TMEM123: variants seen among roughly 807,000 people sequenced by gnomAD.
TMEM123 encodes transmembrane protein 123, also known as porimin.
Under a neutral mutation model 19.7 loss-of-function variants are expected in TMEM123, and 16 were observed. That is an observed-to-expected ratio of 0.81 (90% confidence interval 0.55 to 1.23). The LOEUF (loss-of-function observed/expected upper bound fraction) is 1.23, where lower values mean the gene tolerates loss of function less well. Ranked by LOEUF, TMEM123 falls within the 50% of genes most tolerant of loss-of-function variation. The pLI is 0.00. For missense variants in TMEM123, 313 were observed against 257.8 expected, an observed-to-expected ratio of 1.21 and a Z score of -1.47; for synonymous variants, 118 against 99.4, an observed-to-expected ratio of 1.19 and a Z score of -1.12.
Position 102,401,753 on chromosome 11 carries a change from T to A in TMEM123, c.449-61A>T, listed in dbSNP as rs185489956. The A allele has an allele frequency of 2.6e-6, 4 of 1,516,358 alleles. No homozygotes were observed. In the Admixed American group the frequency reaches 9.2e-5, roughly 35 times the overall value. The allele number at this position is 1,516,358 out of a possible 1,614,324, so 93.9% of individuals were successfully genotyped here. A position where few individuals can be genotyped will look rare whatever the true frequency, so the allele number is the denominator to read the frequency against. ...TATTTTTTTTTTTTTAACATTGTAATTAAAGCTCTCTGATTTTCTGTGTTA... is the reference window on the plus strand; with the variant it reads ...TATTTTTTTTTTTTTAACATTGTAAATAAAGCTCTCTGATTTTCTGTGTTA... On this transcript the variant is annotated intron_variant, in intron 3 of 4. Transcript: ENST00000398136.
intron 2 of TMEM123, among the ~76,000 whole-genome samples, chr11:102,408,790 G>C (rs1193880554): frequency 6.6e-6 from 1 of 152,098 alleles, no homozygotes; most frequent in East Asian, 1.9e-4. Context: ...ACACTACTGG[G>C]ATATTTTTGA....
chr11:102,410,141 A>G (rs1951991882), intron 2 of TMEM123, among the ~76,000 whole-genome samples: 1 of 152,238 alleles, frequency 6.6e-6, no homozygotes, highest in Non-Finnish European at 1.5e-5. Context: ...TCATTCCACT[A>G]ATATCTATGA....
chr11:102,413,981 G>C (rs1952025109), intron 2 of TMEM123, among the ~76,000 whole-genome samples: 1 of 152,144 alleles, frequency 6.6e-6, no homozygotes, highest in African/African-American at 2.4e-5. Context: ...AATGACACAA[G>C]GGCTGAAACA....
intron 2 of TMEM123, among the ~76,000 whole-genome samples, chr11:102,435,263 C>T (rs1857751272): frequency 1.3e-5 from 2 of 151,878 alleles, no homozygotes; most frequent in African/African-American, 4.8e-5. Context: ...AACAAAAAGA[C>T]AACCCAATTT....
intron 2 of TMEM123, among the ~76,000 whole-genome samples, chr11:102,432,727 C>T (rs1384750415): frequency 1.3e-5 from 2 of 152,246 alleles, no homozygotes. Flanking sequence ...CCTCCCATCA[C>T]AGGCCTGGAG....
intron 2 of TMEM123, among the ~76,000 whole-genome samples, chr11:102,423,021 A>G (rs770126740): frequency 6.6e-6 from 1 of 152,198 alleles, no homozygotes; most frequent in African/African-American, 2.4e-5. Context: ...CTGACTCGAC[A>G]ATCCCACTTC....
intron 1 of TMEM123, chr11:102,449,130 G>A (rs1351650626): frequency 1.2e-5 from 4 of 335,922 alleles, no homozygotes; most frequent in African/African-American, 2.1e-5. Flanking sequence ...ACCAGCCACC[G>A]AATGCAACAG....
intron 2 of TMEM123, among the ~76,000 whole-genome samples, chr11:102,447,736 A>T (rs1410020041): frequency 6.6e-6 from 1 of 152,148 alleles, no homozygotes; most frequent in Non-Finnish European, 1.5e-5. Flanking sequence ...TTTTCCTCTC[A>T]ATGAAAACGT....
chr11:102,440,760 TAA>T (rs1200763210), intron 2 of TMEM123, among the ~76,000 whole-genome samples: 3 of 152,120 alleles, frequency 2.0e-5, no homozygotes, highest in South Asian at 2.1e-4. Context: ...GCAAATTGGA[TAA>T]AGAGTCAAGA....
Position 102,398,744 on chromosome 11 carries a change from A to G in TMEM123, c.*123T>C, listed in dbSNP as rs956169522. 3.1e-6 allele frequency: 3 copies of G among 967,026 alleles called. No individual in the cohort carries two copies. In the African/African-American group the frequency reaches 5.0e-5, roughly 16 times the overall value. 59.9% of individuals were successfully genotyped at this position (967,026 alleles called of 1,614,324 possible). A position where few individuals can be genotyped will look rare whatever the true frequency, so the allele number is the denominator to read the frequency against. ...TACATATTTACGTAATACACTGTACATTATATGCATGGCCTGTTTATACTA... is the reference window on the plus strand; with the variant it reads ...TACATATTTACGTAATACACTGTACGTTATATGCATGGCCTGTTTATACTA... On this transcript the variant is annotated 3_prime_UTR_variant, in exon 5 of 5. Transcript: ENST00000398136.
chr11:102,452,583 A>G lies in TMEM123; in HGVS notation c.41T>C (p.Leu14Pro). Residue 14 changes from leucine (L) to proline (P), a missense_variant, in exon 1 of 5, where the codon CTG (leucine) becomes CCG (proline). Physicochemically the swap from Leu to Pro is moderately conservative, Grantham distance 98. Transcript: ENST00000398136. ...CAGCGCTAGCACCTGCAGCGTCCCC[A>G]GGAGCAGCGCGGCCCAAGCACCTCG... Reference protein sequence around the residue: ...GARGAWAALLLGTLQVLALLG... With the variant: ...GARGAWAALLPGTLQVLALLG... The G allele has an allele frequency of 3.2e-6, 5 of 1,572,238 alleles. No individual in the cohort carries two copies. The highest frequency in any genetic ancestry group is 4.3e-6 in the Non-Finnish European group (5 of 1,163,294).
At chr11:102,402,580 TA>T (rs1555053620) in intron 2 of TMEM123, among the ~76,000 whole-genome samples, 1 of 152,242 alleles carries the variant, frequency 6.6e-6, no homozygotes, top group Non-Finnish European at 1.5e-5. Flanking sequence ...AATGGATGGA[TA>T]AACTAATGAA....
chr11:102,439,349 C>T (rs1857799582), intron 2 of TMEM123, among the ~76,000 whole-genome samples: 1 of 151,056 alleles, frequency 6.6e-6, no homozygotes, highest in Non-Finnish European at 1.5e-5. Flanking sequence ...TCCCAGCTTC[C>T]AGAGGAAGGA....
At chr11:102,399,467 TATGTA>T (rs1017124970) in intron 4 of TMEM123, among the ~76,000 whole-genome samples, 23 of 152,228 alleles carry the variant, frequency 1.5e-4, no homozygotes, top group African/African-American at 5.3e-4. Context: ...TGGTTTCTTT[TATGTA>T]TTCTTTCATG....
intron 2 of TMEM123, among the ~76,000 whole-genome samples, chr11:102,432,953 T>C (rs926748604): frequency 3.3e-5 from 5 of 149,692 alleles, no homozygotes; most frequent in South Asian, 2.1e-4. Context: ...AAGTCAAGAA[T>C]TGAGGTTTGG....
rs1243403025 is a variant in TMEM123 at position 102,397,840 on chromosome 11, T to G, written c.*1027A>C. 1 of 152,182 alleles carries G rather than the reference T, an allele frequency of 6.6e-6. No homozygotes were observed. The highest frequency in any genetic ancestry group is 2.4e-5 in the African/African-American group (1 of 41,458). The allele number at this position is 152,182 out of a possible 1,614,324, so 9.4% of individuals were successfully genotyped here. On this transcript the variant is annotated 3_prime_UTR_variant, in exon 5 of 5. Transcript: ENST00000398136. ...AATCCCTGGCTTAATAAACACAGCATTACGCTATAGTTTTGACTCTATAGA... is the reference window on the plus strand; with the variant it reads ...AATCCCTGGCTTAATAAACACAGCAGTACGCTATAGTTTTGACTCTATAGA...
At chr11:102,438,772 G>C (rs1857792554) in intron 2 of TMEM123, among the ~76,000 whole-genome samples, 1 of 152,224 alleles carries the variant, frequency 6.6e-6, no homozygotes, top group Non-Finnish European at 1.5e-5. Flanking sequence ...CAGAGCGTAA[G>C]CCGAAGCAGG....
intron 1 of TMEM123, 92 bp from the exon 2 acceptor site, chr11:102,448,960 G>A: frequency 8.0e-7 from 1 of 1,249,340 alleles, no homozygotes; most frequent in East Asian, 2.3e-5. Flanking sequence ...AGTAGGGGTA[G>A]TGGTGTCAGG....
chr11:102,418,727 A>G (rs542183065), intron 2 of TMEM123, among the ~76,000 whole-genome samples: 1 of 152,228 alleles, frequency 6.6e-6, no homozygotes, highest in Admixed American at 6.5e-5. Context: ...AGCACTATTC[A>G]CAATAGCAAA....
Sources: allele counts gnomAD v4.1 joint callset (sites outside exome capture counted in the v4.1 genomes callset), GRCh38; gene constraint gnomAD v4.1.1; transcripts MANE v1.5; gene names NCBI Gene and HGNC (gene_info 2026-07-23, HGNC 2026-07-21).